The following RPH3A variants were observed in gnomAD, a reference collection of about 807,000 sequenced individuals.
The protein encoded by RPH3A is rabphilin 3A, also known as rabphilin-3A.
A neutral mutation model predicts 102.2 loss-of-function variants in RPH3A; 48 were observed. The observed-to-expected ratio is 0.47, with a 90% CI of 0.37 to 0.60. The LOEUF (loss-of-function observed/expected upper bound fraction) is 0.60, where lower values mean the gene tolerates loss of function less well. Among genes scored for constraint, RPH3A ranks in the 20% least tolerant of loss-of-function variants. The pLI, the probability that RPH3A is intolerant of heterozygous loss-of-function variation, is 0.00. For synonymous variants in RPH3A, 310 were observed against 324.3 expected (o/e 0.96, Z 0.47); for missense variants, 781 against 910.1 (o/e 0.86, Z 1.83).
At chr12:112,811,039 T>C (rs1330271405) in intron 2 of RPH3A, among the ~76,000 whole-genome samples, 4 of 152,154 alleles carry the variant, frequency 2.6e-5, no homozygotes, top group African/African-American at 7.2e-5. Flanking sequence ...ATGATAGTTA[T>C]GTTCTGCAAA....
At chr12:112,602,206 G>T (rs1054518693) in intron 1 of RPH3A, among the ~76,000 whole-genome samples, 1 of 152,116 alleles carries the variant, frequency 6.6e-6, no homozygotes, top group Non-Finnish European at 1.5e-5. Context: ...CATTGGGAGG[G>T]TTTTGTTGGC....
At chr12:112,649,881 G>A (rs769128032) in intron 1 of RPH3A, among the ~76,000 whole-genome samples, 6 of 152,152 alleles carry the variant, frequency 3.9e-5, no homozygotes, top group South Asian at 2.1e-4. Context: ...GCTTTGCTAC[G>A]TGTGCACACA....
chr12:112,840,843 A>C (rs2042129056), intron 4 of RPH3A, among the ~76,000 whole-genome samples: 1 of 152,160 alleles, frequency 6.6e-6, no homozygotes, highest in Admixed American at 6.5e-5. Flanking sequence ...TGCAGCCAGG[A>C]CATGGCACGT....
intron 4 of RPH3A, among the ~76,000 whole-genome samples, chr12:112,838,594 G>T (rs966425959): frequency 1.3e-5 from 2 of 152,198 alleles, no homozygotes; most frequent in East Asian, 1.9e-4. Flanking sequence ...AGAAAGAAAA[G>T]AAAAAGGATT....
chr12:112,796,410 A>AT, intron 2 of RPH3A, among the ~76,000 whole-genome samples: 1 of 152,280 alleles, frequency 6.6e-6, no homozygotes, highest in Non-Finnish European at 1.5e-5. Context: ...AGGCTGTGAT[A>AT]TCTTCATTTC....
chr12:112,831,038 T>C (rs1205445089), intron 3 of RPH3A, among the ~76,000 whole-genome samples: 3 of 151,964 alleles, frequency 2.0e-5, no homozygotes, highest in Non-Finnish European at 4.4e-5. Flanking sequence ...CCATTGCAAC[T>C]ACTCCACTTT....
chr12:112,745,807 C>T (rs1278339089), intron 1 of RPH3A, among the ~76,000 whole-genome samples: 3 of 152,140 alleles, frequency 2.0e-5, no homozygotes, highest in Non-Finnish European at 4.4e-5. Flanking sequence ...CCAGCAATGG[C>T]CATCCTCCAG....
At chr12:112,775,952 T>C (rs2040962820) in intron 1 of RPH3A, among the ~76,000 whole-genome samples, 1 of 151,976 alleles carries the variant, frequency 6.6e-6, no homozygotes, top group Non-Finnish European at 1.5e-5. Context: ...GCAGGGATTA[T>C]GTTAAATTGA....
chr12:112,767,920 A>G (rs10850077), intron 1 of RPH3A, among the ~76,000 whole-genome samples: 74,694 of 152,044 alleles, frequency 0.49, 19,425 homozygotes, highest in East Asian at 0.7. Context: ...AGGCAAATCC[A>G]TAGAGACAGA....
chr12:112,765,163 G>A (rs969585500), intron 1 of RPH3A, among the ~76,000 whole-genome samples: 13 of 152,066 alleles, frequency 8.5e-5, no homozygotes, highest in African/African-American at 2.9e-4. Flanking sequence ...CCAGCTGGTC[G>A]TGGGGAGCAT....
chr12:112,776,880 A>C (rs2040971405), intron 1 of RPH3A, among the ~76,000 whole-genome samples: 1 of 6,234 alleles, frequency 1.6e-4, no homozygotes, highest in South Asian at 3.8e-3. Flanking sequence ...TCTCAAAAAA[A>C]AAAAAAAAAA....
chr12:112,862,445 A>G (rs932189431), intron 5 of RPH3A, among the ~76,000 whole-genome samples: 3 of 152,228 alleles, frequency 2.0e-5, no homozygotes, highest in African/African-American at 7.2e-5. Context: ...ATGAGAAAAT[A>G]AAATTTAAAT....
upstream of RPH3A, among the ~76,000 whole-genome samples, chr12:112,788,010 G>A (rs145588501): frequency 2.2e-4 from 34 of 152,376 alleles, no homozygotes; most frequent in African/African-American, 7.5e-4. Flanking sequence ...GCCGGGCTCA[G>A]CCTTGAGAAG....
upstream of RPH3A, chr12:112,791,731 C>A (rs2041104906): frequency 6.7e-6 from 1 of 149,986 alleles, no homozygotes; most frequent in Non-Finnish European, 1.5e-5. Flanking sequence ...GAAGCTGCCG[C>A]CCCGCTTCCC....
intron 1 of RPH3A, among the ~76,000 whole-genome samples, chr12:112,731,292 C>T (rs568265671): frequency 2.0e-5 from 3 of 152,106 alleles, no homozygotes; most frequent in Admixed American, 6.6e-5. Flanking sequence ...AATGAATACA[C>T]GTATAAGTTT....
chr12:112,704,468 T>G (rs1463343215), intron 1 of RPH3A, among the ~76,000 whole-genome samples: 1 of 152,184 alleles, frequency 6.6e-6, no homozygotes, highest in Non-Finnish European at 1.5e-5. Flanking sequence ...GCTCAAAGGT[T>G]CAGTTGTGTG....
chr12:112,677,376 T>TCC (rs2040184934), intron 1 of RPH3A, among the ~76,000 whole-genome samples: 1 of 24,576 alleles, frequency 4.1e-5, no homozygotes, highest in Non-Finnish European at 7.6e-5. Context: ...CCTCCTTCCC[T>TCC]TCCTCCCTCC....
intron 1 of RPH3A, among the ~76,000 whole-genome samples, chr12:112,767,031 T>C (rs1285608858): frequency 6.6e-6 from 1 of 152,162 alleles, no homozygotes; most frequent in Admixed American, 6.5e-5. Flanking sequence ...CCCAAGGATG[T>C]AGATGCTCCA....
intron 5 of RPH3A, among the ~76,000 whole-genome samples, chr12:112,865,053 T>A (rs781098185): frequency 3.0e-4 from 45 of 152,270 alleles, no homozygotes; most frequent in Middle Eastern, 3.4e-3. Flanking sequence ...GAGATGCCTA[T>A]GAAGACATCC....
Sources: allele counts gnomAD v4.1 joint callset (sites outside exome capture counted in the v4.1 genomes callset), GRCh38; gene constraint gnomAD v4.1.1; transcripts MANE v1.5; gene names NCBI Gene and HGNC (gene_info 2026-07-23, HGNC 2026-07-21).